SLC24A2: variants seen among roughly 807,000 people sequenced by gnomAD.
The protein encoded by SLC24A2 is solute carrier family 24 member 2, also known as sodium/potassium/calcium exchanger 2.
In SLC24A2, 36 loss-of-function variants were observed where a neutral mutation model predicts 62.0. The ratio of observed to expected loss-of-function variants is 0.58; its 90% CI spans 0.44 to 0.77. The LOEUF is 0.77. Ranked by LOEUF, SLC24A2 falls within the 30% of genes least tolerant of loss-of-function variation. The pLI, the probability that SLC24A2 is intolerant of heterozygous loss-of-function variation, is 0.00. For missense variants in SLC24A2, 846 were observed against 817.9 expected (o/e 1.03, Z -0.42); for synonymous variants, 358 against 294.0 (o/e 1.22, Z -2.23).
At chr9:19,766,675 A>C (rs1431451576) in intron 2 of SLC24A2, among the ~76,000 whole-genome samples, 1 of 152,196 alleles carries the variant, frequency 6.6e-6, no homozygotes, top group Non-Finnish European at 1.5e-5. Flanking sequence ...GCTTCATCCC[A>C]GAGGGGCACC....
At chr9:19,588,643 C>T (rs551590682) in intron 5 of SLC24A2, among the ~76,000 whole-genome samples, 94 of 152,272 alleles carry the variant, frequency 6.2e-4, no homozygotes, top group African/African-American at 2.2e-3. Flanking sequence ...CAATCTGAGT[C>T]TCTCTTCAAA....
chr9:19,965,893 A>T, the SLC24A2 span, among the ~76,000 whole-genome samples: 1 of 152,166 alleles, frequency 6.6e-6, no homozygotes, highest in Non-Finnish European at 1.5e-5. Flanking sequence ...TAAAACTATG[A>T]GTAAAGACAT....
At chr9:20,110,035 T>A in the SLC24A2 span, among the ~76,000 whole-genome samples, 1 of 152,168 alleles carries the variant, frequency 6.6e-6, no homozygotes, top group Non-Finnish European at 1.5e-5. Flanking sequence ...TTTTTTATCA[T>A]ATTAAAGCTT....
chr9:19,986,407 A>G, the SLC24A2 span, among the ~76,000 whole-genome samples: 3 of 77,568 alleles, frequency 3.9e-5, no homozygotes, highest in Non-Finnish European at 5.5e-5. Flanking sequence ...GGATGACCCT[A>G]TATAGGACCT....
chr9:20,015,753 C>T, the SLC24A2 span, among the ~76,000 whole-genome samples: 1 of 152,190 alleles, frequency 6.6e-6, no homozygotes, highest in African/African-American at 2.4e-5. Flanking sequence ...GCAGAGCTAA[C>T]CTCTCAATAG....
the SLC24A2 span, among the ~76,000 whole-genome samples, chr9:20,153,676 C>T: frequency 6.6e-6 from 1 of 151,918 alleles, no homozygotes; most frequent in African/African-American, 2.4e-5. Flanking sequence ...AACACTTCTT[C>T]AGTTTCTCCT....
At chr9:19,952,228 T>C in the SLC24A2 span, among the ~76,000 whole-genome samples, 1 of 152,134 alleles carries the variant, frequency 6.6e-6, no homozygotes, top group Admixed American at 6.5e-5. Context: ...TCCTTAAGCA[T>C]TCTCTTCATA....
At chr9:19,542,545 T>C (rs1834328133) in intron 8 of SLC24A2, among the ~76,000 whole-genome samples, 1 of 152,224 alleles carries the variant, frequency 6.6e-6, no homozygotes, top group Non-Finnish European at 1.5e-5. Flanking sequence ...CTTCCAGTTT[T>C]TGCCCATTCA....
intron 7 of SLC24A2, among the ~76,000 whole-genome samples, chr9:19,553,063 A>G (rs1834921445): frequency 6.6e-6 from 1 of 152,186 alleles, no homozygotes; most frequent in Non-Finnish European, 1.5e-5. Context: ...ACAGGGAAGT[A>G]CAGGAACCTA....
the SLC24A2 span, among the ~76,000 whole-genome samples, chr9:20,257,201 C>G: frequency 1.3e-5 from 2 of 152,162 alleles, no homozygotes. Flanking sequence ...GCAGTATACA[C>G]AGCCAGACTG....
chr9:19,734,384 C>A (rs1334670907), intron 2 of SLC24A2, among the ~76,000 whole-genome samples: 1 of 152,060 alleles, frequency 6.6e-6, no homozygotes, highest in African/African-American at 2.4e-5. Context: ...TTTTTGGTTC[C>A]ATATGAACTT....
chr9:20,204,696 C>T, the SLC24A2 span, among the ~76,000 whole-genome samples: 1 of 151,106 alleles, frequency 6.6e-6, no homozygotes, highest in East Asian at 1.9e-4. Flanking sequence ...AAAGCAAAAA[C>T]TTATTTCACT....
chr9:19,607,252 T>C (rs971949716), intron 4 of SLC24A2, among the ~76,000 whole-genome samples: 4 of 152,178 alleles, frequency 2.6e-5, no homozygotes, highest in African/African-American at 7.2e-5. Context: ...CCCCAAGTAA[T>C]TGCATCTGTG....
rs1022306575 is a variant in SLC24A2, at chr9:19,702,274, GTTTA to G, written c.931-79979_931-79976del. 1.4e-4 allele frequency among the ~76,000 whole-genome samples: 21 copies of G among 152,224 alleles called. 1 individual carries two copies. Among genetic ancestry groups the G allele is most frequent in the African/African-American group, 4.6e-4 (19 of 41,548 alleles). On this transcript the variant is annotated intron_variant, in intron 2 of 10. Transcript: ENST00000341998. The stretch of plus-strand genomic sequence containing the variant: ...TCTGTACACTTGGTGCTCCTAAAAC[GTTTA>G]TTGTTTTTCATAATGAAGAATAATG...
At chr9:20,113,517 T>G in the SLC24A2 span, among the ~76,000 whole-genome samples, 1 of 152,326 alleles carries the variant, frequency 6.6e-6, no homozygotes, top group East Asian at 1.9e-4. Context: ...ATGCTGAAAC[T>G]TAGCTTCACT....
the SLC24A2 span, among the ~76,000 whole-genome samples, chr9:19,820,317 T>G: frequency 6.7e-6 from 1 of 150,188 alleles, no homozygotes. Context: ...GAGAAAAGAC[T>G]ACAAATATGG....
At chr9:19,560,318 C>A (rs1835327845) in intron 7 of SLC24A2, among the ~76,000 whole-genome samples, 1 of 121,404 alleles carries the variant, frequency 8.2e-6, no homozygotes, top group Non-Finnish European at 1.7e-5. Context: ...ACCCCCAATT[C>A]ATATTCCCAA....
intron 4 of SLC24A2, among the ~76,000 whole-genome samples, chr9:19,603,568 A>C (rs1048294449): frequency 6.6e-6 from 1 of 152,086 alleles, no homozygotes; most frequent in Non-Finnish European, 1.5e-5. Flanking sequence ...ACCAGTCACA[A>C]AGTCTAATTC....
the SLC24A2 span, among the ~76,000 whole-genome samples, chr9:19,817,000 C>A: frequency 4.7e-4 from 72 of 152,252 alleles, no homozygotes; most frequent in African/African-American, 1.7e-3. Context: ...AATAAGTATT[C>A]ATAGAATGCA....
Sources: gnomAD v4.1 joint callset for allele counts (sites outside exome capture counted in the v4.1 genomes callset) on GRCh38, gnomAD v4.1.1 for gene constraint, MANE v1.5 for transcripts, NCBI Gene and HGNC (gene_info 2026-07-23, HGNC 2026-07-21) for gene names.